CTTN: variants seen among roughly 807,000 people sequenced by gnomAD.
CTTN encodes the protein cortactin.
A neutral mutation model predicts 84.0 loss-of-function variants in CTTN; 28 were observed. That is an observed-to-expected ratio of 0.33 (90% CI 0.25 to 0.46). The LOEUF (loss-of-function observed/expected upper bound fraction) is 0.46, where lower values mean the gene tolerates loss of function less well. Among genes scored for constraint, CTTN ranks in the 20% least tolerant of loss-of-function variants. CTTN has a pLI of 1.00. For synonymous variants in CTTN, 301 were observed against 288.8 expected, an observed-to-expected ratio of 1.04 and a Z score of -0.43; for missense variants, 641 against 723.8, an observed-to-expected ratio of 0.89 and a Z score of 1.31.
At chr11:70,399,565 G>A (rs915730586) in intron 1 of CTTN, among the ~76,000 whole-genome samples, 4 of 152,108 alleles carry the variant, frequency 2.6e-5, no homozygotes, top group African/African-American at 4.8e-5. Flanking sequence ...ATTTGGAACC[G>A]TCCCTCCTTC....
intron 14 of CTTN, 82 bp downstream of exon 14, chr11:70,429,281 G>C: frequency 6.7e-7 from 1 of 1,487,200 alleles, no homozygotes; most frequent in African/African-American, 1.4e-5. Flanking sequence ...CCTGGGCGGG[G>C]CTTATTCTCT....
At chr11:70,426,410 C>CA (rs889788502) in intron 13 of CTTN, among the ~76,000 whole-genome samples, 3,484 of 72,476 alleles carry the variant, frequency 0.048, 90 homozygotes, top group African/African-American at 0.11. Context: ...GACTCCGTCT[C>CA]AAAAAAAAAA....
chr11:70,434,787 G>A (rs3802781), intron 17 of CTTN, among the ~76,000 whole-genome samples: 24,730 of 152,264 alleles, frequency 0.16, 2,583 homozygotes, highest in Admixed American at 0.24. Context: ...GAAGGGGTCC[G>A]GGTGGGGTTG....
chr11:70,420,014 C>A, intron 9 of CTTN, 158 bp downstream of exon 9: 1 of 642,150 alleles, frequency 1.6e-6, no homozygotes, highest in Non-Finnish European at 2.7e-6. Flanking sequence ...TCCAGAAACA[C>A]AGCTGCTAAA....
intron 12 of CTTN, 114 bp downstream of exon 12, chr11:70,423,109 G>T: frequency 5.5e-6 from 7 of 1,276,504 alleles, no homozygotes; most frequent in South Asian, 1.3e-5. Flanking sequence ...AGTGATTTCC[G>T]TCGTGGTGGT....
rs911738852 is a variant in CTTN at position 70,436,014 on chromosome 11, C to T, written c.*852C>T. On this transcript the variant is annotated 3_prime_UTR_variant, in exon 18 of 18. Transcript: ENST00000301843. ...CCCATATGGTCCCTGGGCCACCGGG[C>T]AGCCTGGGGCGGTGTGTGTGCCATG... The T allele has an allele frequency of 2.1e-6, 3 of 1,426,082 alleles. No individual in the cohort carries two copies. Among genetic ancestry groups the T allele is most frequent in the African/African-American group, 2.9e-5 (2 of 69,530 alleles). 88.3% of individuals were successfully genotyped at this position (1,426,082 alleles called of 1,614,324 possible).
intron 4 of CTTN, chr11:70,408,144 CAG>C (rs1167426621): frequency 6.6e-6 from 1 of 151,668 alleles, no homozygotes; most frequent in Non-Finnish European, 1.5e-5. Flanking sequence ...TTTTTTTCGT[CAG>C]AAAGTGTAGA....
intron 5 of CTTN, among the ~76,000 whole-genome samples, chr11:70,414,291 G>A (rs1591437478): frequency 6.6e-6 from 1 of 150,850 alleles, no homozygotes; most frequent in East Asian, 2.0e-4. Flanking sequence ...CTTGCAGTGA[G>A]CCGAGACCCC....
At chr11:70,418,121 C>CAA (rs67443900) in intron 8 of CTTN, among the ~76,000 whole-genome samples, 2 of 143,318 alleles carry the variant, frequency 1.4e-5, no homozygotes, top group African/African-American at 5.2e-5. Flanking sequence ...TTTAAAAACT[C>CAA]AAAAAAAAAA....
At chr11:70,417,495 AT>A (rs796875768) in intron 8 of CTTN, among the ~76,000 whole-genome samples, 186 of 140,776 alleles carry the variant, frequency 1.3e-3, no homozygotes, top group Middle Eastern at 3.6e-3. Context: ...TGACCTGTAA[AT>A]TTTTTTTTTT....
chr11:70,420,752 C>T (rs79740140), intron 10 of CTTN, among the ~76,000 whole-genome samples: 4,241 of 152,184 alleles, frequency 0.028, 93 homozygotes, highest in Non-Finnish European at 0.044. Flanking sequence ...GTGGGTTGCA[C>T]GGGCCAAGCC....
chr11:70,434,298 G>C (rs1446540103), intron 17 of CTTN, among the ~76,000 whole-genome samples: 4 of 152,224 alleles, frequency 2.6e-5, no homozygotes, highest in Admixed American at 2.6e-4. Context: ...CTGCTGGGCC[G>C]CATAGCATCC....
intron 4 of CTTN, chr11:70,408,027 A>G (rs1178699531): frequency 6.3e-6 from 1 of 159,784 alleles, no homozygotes; most frequent in African/African-American, 2.4e-5. Flanking sequence ...ATAGTGAGGT[A>G]CTGTGAGCTT....
At chr11:70,400,189 A>G (rs2057960517) in intron 1 of CTTN, among the ~76,000 whole-genome samples, 1 of 152,116 alleles carries the variant, frequency 6.6e-6, no homozygotes, top group Non-Finnish European at 1.5e-5. Context: ...GACCTGGGGC[A>G]GGGGTGCGGT....
At chr11:70,434,991 C>T (rs2058398484) in intron 17 of CTTN, 35 bp from the exon 18 acceptor site, 1 of 1,610,064 alleles carries the variant, frequency 6.2e-7, no homozygotes, top group African/African-American at 1.3e-5. Context: ...GAAACGCTTG[C>T]ACTTCAGCAT....
Position 70,407,229 on chromosome 11 carries a change from G to C in CTTN, c.1-69G>C, listed in dbSNP as rs891928502. ...TAGAATCTCGGTAGTTTTGGCCAAAGGGCTCATCTGCTGGCCTCTGTGGAT... is the reference window on the plus strand; with the variant it reads ...TAGAATCTCGGTAGTTTTGGCCAAACGGCTCATCTGCTGGCCTCTGTGGAT... On this transcript the variant is annotated intron_variant, in intron 2 of 17. Transcript: ENST00000301843. 1.1e-5 allele frequency: 15 copies of C among 1,340,222 alleles called. No individual in the cohort carries two copies. The African/African-American group carries it at 2.2e-4, about 20-fold the overall frequency. 83.0% of individuals were successfully genotyped at this position (1,340,222 alleles called of 1,614,324 possible).
intron 5 of CTTN, among the ~76,000 whole-genome samples, chr11:70,410,939 A>G (rs2058090186): frequency 6.6e-6 from 1 of 152,114 alleles, no homozygotes; most frequent in African/African-American, 2.4e-5. Flanking sequence ...CGCAGAGTAG[A>G]TGATGTGGTG....
intron 4 of CTTN, among the ~76,000 whole-genome samples, chr11:70,409,156 G>A (rs951849747): frequency 5.9e-5 from 9 of 151,980 alleles, no homozygotes; most frequent in Non-Finnish European, 8.8e-5. Context: ...TAGGATTGTC[G>A]TCCAGATGTC....
At chr11:70,427,348 T>C (rs771582748) in intron 13 of CTTN, among the ~76,000 whole-genome samples, 4 of 152,196 alleles carry the variant, frequency 2.6e-5, no homozygotes, top group Non-Finnish European at 5.9e-5. Flanking sequence ...AAACTCCATC[T>C]CAAAAAATAA....
Sources: gnomAD v4.1 joint callset for allele counts (sites outside exome capture counted in the v4.1 genomes callset) on GRCh38, gnomAD v4.1.1 for gene constraint, MANE v1.5 for transcripts, NCBI Gene and HGNC (gene_info 2026-07-23, HGNC 2026-07-21) for gene names.